Variants in NPRL3 observed in about 807,000 individuals in gnomAD.
The protein encoded by NPRL3 is NPR3 like, GATOR1 complex subunit, also known as GATOR1 complex protein NPRL3.
Under a neutral mutation model 57.2 loss-of-function variants are expected in NPRL3, and 23 were observed. That is an observed-to-expected ratio of 0.40 (90% confidence interval 0.29 to 0.57). The LOEUF (loss-of-function observed/expected upper bound fraction) is 0.57, where lower values mean the gene tolerates loss of function less well. NPRL3 is among the 20% of genes least tolerant of loss of function. The pLI is 0.42. For synonymous variants in NPRL3, 333 were observed against 321.1 expected, an observed-to-expected ratio of 1.04 and a Z score of -0.39; for missense variants, 691 against 767.1, an observed-to-expected ratio of 0.90 and a Z score of 1.17.
At chr16:99,584 A>C (rs1163568302) in intron 8 of NPRL3, among the ~76,000 whole-genome samples, 1 of 149,812 alleles carries the variant, frequency 6.7e-6, no homozygotes, top group Non-Finnish European at 1.5e-5. Flanking sequence ...CAGAGGCTTC[A>C]CTGAGTGGAG....
chr16:85,684 G>C lies in NPRL3; in HGVS notation c.*1021C>G, dbSNP rs757630279. 6.4e-7 allele frequency: 1 copy of C among 1,559,786 alleles called. No individual in the cohort carries two copies. The highest frequency in any genetic ancestry group is 1.4e-5 in the African/African-American group (1 of 73,512). On this transcript the variant is annotated 3_prime_UTR_variant, in exon 14 of 14. Coordinates refer to ENST00000611875, the MANE Select transcript of NPRL3 (RefSeq NM_001077350.3). ...CCCGGGTGGGCGTCGGCCATGCAGG[G>C]GAGTGGGCCCGGAAACCCCTCCGCT...
At chr16:110,007 T>TG (rs11388631) in intron 7 of NPRL3, among the ~76,000 whole-genome samples, 152,369 of 152,370 alleles carry the variant, frequency 1, 76,184 homozygotes, top group Non-Finnish European at 1. Flanking sequence ...CCGGGCGCGG[T>TG]GCTCACGCCA....
At chr16:102,892 C>T (rs1899359059) in intron 7 of NPRL3, among the ~76,000 whole-genome samples, 1 of 152,192 alleles carries the variant, frequency 6.6e-6, no homozygotes, top group South Asian at 2.1e-4. Context: ...CCTTACCTCT[C>T]TTTGGTCAGG....
chr16:131,039 T>G (rs1208736990), intron 2 of NPRL3, among the ~76,000 whole-genome samples: 5 of 152,256 alleles, frequency 3.3e-5, no homozygotes, highest in Non-Finnish European at 7.3e-5. Context: ...TCTTATGTTA[T>G]CTTCAAAAAC....
At chr16:134,691 A>ATTTTTTT (rs765141529) in intron 2 of NPRL3, among the ~76,000 whole-genome samples, 27 of 108,540 alleles carry the variant, frequency 2.5e-4, no homozygotes, top group African/African-American at 8.3e-4. Flanking sequence ...AGTAATTATT[A>ATTTTTTT]TTATTTTTTT....
chr16:95,385 A>ACACACACACACACACACACACAC (rs1567132382), intron 9 of NPRL3, among the ~76,000 whole-genome samples: 4 of 143,094 alleles, frequency 2.8e-5, no homozygotes, highest in African/African-American at 1.0e-4. Flanking sequence ...ACACACACAC[A>ACACACACACACACACACACACAC]ATAAAATGTA....
intron 2 of NPRL3, among the ~76,000 whole-genome samples, chr16:134,824 C>T (rs932322578): frequency 2.8e-4 from 42 of 150,366 alleles, no homozygotes; most frequent in Non-Finnish European, 1.0e-4. Flanking sequence ...GCCTCAGCCT[C>T]CCGAGTAGCT....
intron 9 of NPRL3, among the ~76,000 whole-genome samples, chr16:95,727 G>A (rs1177887517): frequency 6.6e-6 from 1 of 152,040 alleles, no homozygotes; most frequent in Non-Finnish European, 1.5e-5. Flanking sequence ...ACACCACCAT[G>A]CCCAGCTAAT....
At chr16:108,635 AATTTT>A (rs1378545446) in intron 7 of NPRL3, among the ~76,000 whole-genome samples, 1 of 148,742 alleles carries the variant, frequency 6.7e-6, no homozygotes. Context: ...GTATTTTTTA[AATTTT>A]ATTTATTTTT....
At chr16:101,438 G>A (rs1407369397) in intron 7 of NPRL3, among the ~76,000 whole-genome samples, 2 of 152,186 alleles carry the variant, frequency 1.3e-5, no homozygotes, top group African/African-American at 4.8e-5. Context: ...ACTTCACTAC[G>A]ACGGAAAACC....
intron 13 of NPRL3, among the ~76,000 whole-genome samples, chr16:87,655 C>T (rs879231992): frequency 2.0e-5 from 3 of 151,882 alleles, no homozygotes; most frequent in Admixed American, 2.0e-4. Flanking sequence ...CGCCAAGCTC[C>T]GCCTCCCGCC....
rs370096035 is a variant in NPRL3 at position 103,364 on chromosome 16, C to T, written c.630-2855G>A. Among the ~76,000 whole-genome samples, 44 of 126,362 alleles carry T rather than the reference C, an allele frequency of 3.5e-4. 1 individual carries two copies. In the South Asian group the frequency reaches 9.8e-3, roughly 28 times the overall value. The allele number at this position is 126,362 out of a possible 152,430, so 82.9% of individuals were successfully genotyped here. A position where few individuals can be genotyped will look rare whatever the true frequency, so the allele number is the denominator to read the frequency against. ...CTATGTTGCCTAGGCTGGTCTCAAA[C>T]TCCTGGGCTCAAGCGATCCTCCCAC... On this transcript the variant is annotated intron_variant, in intron 7 of 13. Transcript: ENST00000611875.
At chr16:102,494 A>C (rs903864559) in intron 7 of NPRL3, among the ~76,000 whole-genome samples, 20 of 152,352 alleles carry the variant, frequency 1.3e-4, no homozygotes, top group African/African-American at 4.8e-4. Flanking sequence ...AAATAGGAGC[A>C]AAACACACAC....
At chr16:99,989 A>G (rs111250148) in intron 8 of NPRL3, among the ~76,000 whole-genome samples, 1 of 143,562 alleles carries the variant, frequency 7.0e-6, no homozygotes, top group Non-Finnish European at 1.5e-5. Context: ...AAAAAGAAAA[A>G]AAAAAGAAAA....
chr16:89,117 G>A (rs776377701), intron 12 of NPRL3: 7 of 571,116 alleles, frequency 1.2e-5, no homozygotes, highest in Non-Finnish European at 2.2e-5. Flanking sequence ...AACCTCAAGG[G>A]ACCTGAACAG....
intron 8 of NPRL3, among the ~76,000 whole-genome samples, chr16:99,951 C>G (rs1899198765): frequency 3.9e-5 from 5 of 126,630 alleles, no homozygotes; most frequent in African/African-American, 1.5e-4. Flanking sequence ...CACACACACA[C>G]ACCCCCGCAA....
intron 2 of NPRL3, among the ~76,000 whole-genome samples, chr16:134,974 T>G (rs1021009322): frequency 2.0e-5 from 3 of 152,094 alleles, no homozygotes; most frequent in Non-Finnish European, 2.9e-5. Flanking sequence ...GTGCTGGGAT[T>G]ACAGGCGTGA....
At chr16:94,725 A>G (rs1189021997) in intron 9 of NPRL3, among the ~76,000 whole-genome samples, 1 of 151,918 alleles carries the variant, frequency 6.6e-6, no homozygotes, top group East Asian at 1.9e-4. Context: ...AGTGCCCCCA[A>G]TGGCTCCGCC....
At chr16:96,051 G>C (rs965532035) in intron 9 of NPRL3, among the ~76,000 whole-genome samples, 2 of 152,212 alleles carry the variant, frequency 1.3e-5, no homozygotes, top group Non-Finnish European at 2.9e-5. Flanking sequence ...ACAGACAGAA[G>C]AAAACAATGA....
Sources: allele counts gnomAD v4.1 joint callset (sites outside exome capture counted in the v4.1 genomes callset), GRCh38; gene constraint gnomAD v4.1.1; transcripts MANE v1.5; gene names NCBI Gene and HGNC (gene_info 2026-07-23, HGNC 2026-07-21).